Variants in COX18 observed in about 807,000 individuals in gnomAD.
COX18 encodes cytochrome c oxidase assembly factor COX18.
COX18 carries 45 observed loss-of-function variants against 38.0 expected under a neutral mutation model. The ratio of observed to expected loss-of-function variants is 1.18; its 90% CI spans 0.93 to 1.52. The LOEUF is 1.52. COX18 is among the 40% of genes most tolerant of loss of function. The probability of loss-of-function intolerance (pLI) is 0.00; values close to 1 mark genes in which losing one functional copy is unlikely to be tolerated. For synonymous variants in COX18, 177 were observed against 169.8 expected, an observed-to-expected ratio of 1.04 and a Z score of -0.33; for missense variants, 462 against 423.8, an observed-to-expected ratio of 1.09 and a Z score of -0.79.
Position 73,065,360 on chromosome 4 carries a change from T to G in COX18, c.488A>C (p.Asp163Ala). Residue 163 changes from aspartate (D) to alanine (A), a missense_variant, in exon 3 of 6, where the codon GAT (aspartate) becomes GCT (alanine). Coordinates refer to ENST00000507544, the MANE Select transcript of COX18 (RefSeq NM_001297732.2). ...RRLISELYVRDNCHPFKATVL... is the reference protein window; with the variant it reads ...RRLISELYVRANCHPFKATVL... The stretch of plus-strand genomic sequence containing the variant: ...AGTGGCTTTGAAAGGGTGGCAGTTA[T>G]CTCGCACATATAGCTCTGAAATTAG... 1 of 1,613,970 alleles carries G rather than the reference T, an allele frequency of 6.2e-7. No homozygotes were observed. The highest frequency in any genetic ancestry group is 1.1e-5 in the South Asian group (1 of 91,066).
At position 73,067,950 on chromosome 4, in the gene COX18, ATGTATG is replaced by A. The variant is rs1324862200; in HGVS notation, c.434+73_434+78del. The A allele has an allele frequency of 3.0e-4, 204 of 691,096 alleles. 1 individual carries two copies. The East Asian group carries it at 4.9e-3, about 17-fold the overall frequency. The allele number at this position is 691,096 out of a possible 1,614,324, so 42.8% of individuals were successfully genotyped here. On this transcript the variant is annotated intron_variant, in intron 2 of 5. Transcript: ENST00000507544. ...AAACTTATAATTAACATCACAATTTATGTATGTGTGTGTGTGTGTGTGTGTGTGTGT... is the reference window on the plus strand; with the variant it reads ...AAACTTATAATTAACATCACAATTTATGTGTGTGTGTGTGTGTGTGTGTGT...
At position 73,054,486 on chromosome 4, in the gene COX18, C is replaced by T. The variant is rs1023569119; in HGVS notation, c.*3628G>A. The T allele has an allele frequency of 3.3e-5, 5 of 152,262 alleles. No homozygotes were observed. The highest frequency in any genetic ancestry group is 7.4e-5 in the Non-Finnish European group (5 of 68,018). The allele number at this position is 152,262 out of a possible 1,614,324, so 9.4% of individuals were successfully genotyped here. On this transcript the variant is annotated 3_prime_UTR_variant, in exon 6 of 6. Transcript: ENST00000507544. ...CAGTTTTCTTTATACATGGGTTTAT[C>T]CCAAGATCCCAGCAACCCCCACTTG...
At position 73,054,659 on chromosome 4, in the gene COX18, T is replaced by A. The variant is rs1452303891; in HGVS notation, c.*3455A>T. The A allele has an allele frequency of 6.6e-6, 1 of 152,230 alleles. No individual in the cohort carries two copies. The highest frequency in any genetic ancestry group is 1.5e-5 in the Non-Finnish European group (1 of 68,034). 9.4% of individuals were successfully genotyped at this position (152,230 alleles called of 1,614,324 possible). On this transcript the variant is annotated 3_prime_UTR_variant, in exon 6 of 6. Transcript: ENST00000507544. The stretch of plus-strand genomic sequence containing the variant: ...ATATACATTTGTAAAGATACAAATA[T>A]ACATTTTGAAATCAAGGGGACTCAC...
chr4:73,059,390 G>C (rs998454443), intron 5 of COX18, among the ~76,000 whole-genome samples: 6 of 152,166 alleles, frequency 3.9e-5, no homozygotes, highest in Non-Finnish European at 8.8e-5. Context: ...TACCTCAGAG[G>C]ATTGCTGTGA....
At chr4:73,068,904 A>T (rs1472108076) in intron 1 of COX18, among the ~76,000 whole-genome samples, 5 of 152,248 alleles carry the variant, frequency 3.3e-5, no homozygotes, top group South Asian at 2.1e-4. Context: ...TTTCTTCCTA[A>T]TAAGAAAGAC....
At chr4:73,068,214 T>G in intron 1 of COX18, 85 bp from the exon 2 acceptor site, 4 of 806,242 alleles carry the variant, frequency 5.0e-6, no homozygotes, top group Non-Finnish European at 7.8e-6. Flanking sequence ...TTCCCTCGAG[T>G]CATTTAAAAA....
chr4:73,064,129 A>C (rs981065949), intron 4 of COX18, among the ~76,000 whole-genome samples: 5 of 152,138 alleles, frequency 3.3e-5, no homozygotes, highest in Admixed American at 1.3e-4. Flanking sequence ...TACTAAAAAT[A>C]CAAAAATTAG....
chr4:73,052,491 T>G lies in COX18; in HGVS notation c.*5623A>C, dbSNP rs1176644589. The G allele has an allele frequency of 6.6e-6, 1 of 152,144 alleles. No homozygotes were observed. Among genetic ancestry groups the G allele is most frequent in the East Asian group, 1.9e-4 (1 of 5,200 alleles). 9.4% of individuals were successfully genotyped at this position (152,144 alleles called of 1,614,324 possible). On this transcript the variant is annotated 3_prime_UTR_variant, in exon 6 of 6. Coordinates refer to ENST00000507544, the MANE Select transcript of COX18 (RefSeq NM_001297732.2). ...AATTATCTGACTTTAATGCTGTGGCTTTAGGAAATTCCAACTTCCCAAAAC... is the reference window on the plus strand; with the variant it reads ...AATTATCTGACTTTAATGCTGTGGCGTTAGGAAATTCCAACTTCCCAAAAC...
rs1019155605 is a variant in COX18, at chr4:73,069,714, A to C, written c.-65T>G. ...TCCAGCGGACATACACCGGCCAGCC[A>C]AGGCTGATACGCGCACGCGCCAGCA... On this transcript the variant is annotated 5_prime_UTR_variant, in exon 1 of 6. Transcript: ENST00000507544. The C allele has an allele frequency of 6.8e-7, 1 of 1,465,306 alleles. No individual in the cohort carries two copies. Among genetic ancestry groups the C allele is most frequent in the African/African-American group, 1.4e-5 (1 of 71,720 alleles). 90.8% of individuals were successfully genotyped at this position (1,465,306 alleles called of 1,614,324 possible).
At chr4:73,065,622 T>G (rs1392199679) in intron 2 of COX18, among the ~76,000 whole-genome samples, 1 of 152,106 alleles carries the variant, frequency 6.6e-6, no homozygotes, top group Non-Finnish European at 1.5e-5. Flanking sequence ...GTACACAAGT[T>G]ACATAACAAT....
In COX18 at chr4:73,064,898, AC is replaced by A; in HGVS notation, c.602del (p.Gly201ValfsTer8). ...LSTGAAHSEAGFSVQEQLATG... is the reference protein window; with the variant it reads ...LSTGAAHSEAXFSVQEQLATG... Reference sequence around the variant, plus strand: ...TAGCTAACTGTTCCTGAACAGAAAAACCTGCTAAAACAGTTTTATAAATAAA... The same window carrying A: ...TAGCTAACTGTTCCTGAACAGAAAAACTGCTAAAACAGTTTTATAAATAAA... On this transcript the variant is annotated frameshift_variant, in exon 4 of 6. Transcript: ENST00000507544. LOFTEE classifies it high-confidence loss of function. 1 of 1,613,260 alleles carries A rather than the reference AC, an allele frequency of 6.2e-7. No individual in the cohort carries two copies. The highest frequency in any genetic ancestry group is 1.7e-4 in the Middle Eastern group (1 of 6,056).
chr4:73,065,960 C>T (rs1051412401), intron 2 of COX18, among the ~76,000 whole-genome samples: 5 of 152,078 alleles, frequency 3.3e-5, no homozygotes, highest in Non-Finnish European at 4.4e-5. Flanking sequence ...TGAAATTTTA[C>T]TTTTTAGAAT....
Position 73,067,527 on chromosome 4 carries a change from CATATTA to C in COX18, c.434+496_434+501del, listed in dbSNP as rs1720508584. On this transcript the variant is annotated intron_variant, in intron 2 of 5. Transcript: ENST00000507544. ...AGTCCAGCATATGAAACTATCATGC[CATATTA>C]ATAACTTATGAAAATATAAAAGAGT... 3.9e-5 allele frequency among the ~76,000 whole-genome samples: 6 copies of C among 151,978 alleles called. No homozygotes were observed. The South Asian group carries it at 1.2e-3, about 32-fold the overall frequency.
chr4:73,069,498 G>T lies in COX18; in HGVS notation c.152C>A (p.Ala51Glu). 1 of 1,591,904 alleles carries T rather than the reference G, an allele frequency of 6.3e-7. No homozygotes were observed. Among genetic ancestry groups the T allele is most frequent in the Non-Finnish European group, 8.5e-7 (1 of 1,169,976 alleles). The change falls in exon 1 of 6, where the codon GCG becomes GAG. Residue 51 changes from alanine (A) to glutamate (E), a missense_variant. Physicochemically the swap from Ala to Glu is moderately radical, Grantham distance 107 (BLOSUM62 -1). Transcript: ENST00000507544. ...WAVAPVSAVH[A>E]NGWYEALAAS... The stretch of plus-strand genomic sequence containing the variant: ...GGCCAGGGCCTCGTACCAGCCGTTC[G>T]CATGTACTGCAGAGACTGGTGCCAC...
At chr4:73,064,722 C>G in intron 4 of COX18, 56 bp downstream of exon 4, 2 of 1,587,922 alleles carry the variant, frequency 1.3e-6, no homozygotes, top group South Asian at 2.2e-5. Flanking sequence ...GAAGTCAAAA[C>G]AGCAGCAACA....
intron 5 of COX18, among the ~76,000 whole-genome samples, chr4:73,061,424 C>T (rs972004582): frequency 6.6e-6 from 1 of 152,052 alleles, no homozygotes; most frequent in African/African-American, 2.4e-5. Flanking sequence ...GAAGCAGGAT[C>T]CCAGCCAGGT....
At chr4:73,063,225 G>A (rs1396559291) in intron 4 of COX18, among the ~76,000 whole-genome samples, 3 of 151,504 alleles carry the variant, frequency 2.0e-5, no homozygotes, top group Non-Finnish European at 4.4e-5. Flanking sequence ...AGAATCACCT[G>A]AACCTGGGAG....
chr4:73,061,241 T>C (rs1310036465), intron 5 of COX18, among the ~76,000 whole-genome samples: 2 of 152,190 alleles, frequency 1.3e-5, no homozygotes, highest in Admixed American at 6.5e-5. Context: ...CCAGTCTACA[T>C]AGGCAGAACT....
At chr4:73,067,204 T>C (rs1560475968) in intron 2 of COX18, among the ~76,000 whole-genome samples, 1 of 152,336 alleles carries the variant, frequency 6.6e-6, no homozygotes, top group East Asian at 1.9e-4. Flanking sequence ...TGGCACTTGT[T>C]TTCTACCTCC....
Sources: gnomAD v4.1 joint callset for allele counts (sites outside exome capture counted in the v4.1 genomes callset) on GRCh38, gnomAD v4.1.1 for gene constraint, MANE v1.5 for transcripts, NCBI Gene and HGNC (gene_info 2026-07-23, HGNC 2026-07-21) for gene names.